The following RALGAPA2 variants were observed in gnomAD, a reference collection of about 807,000 sequenced individuals.
RALGAPA2 encodes the protein ral GTPase-activating protein subunit alpha-2.
In RALGAPA2, 139 loss-of-function variants were observed where a neutral mutation model predicts 230.4. That is an observed-to-expected ratio of 0.60 (90% CI 0.53 to 0.69). The LOEUF is 0.69. Among genes scored for constraint, RALGAPA2 ranks in the 30% least tolerant of loss-of-function variants. The pLI, the probability that RALGAPA2 is intolerant of heterozygous loss-of-function variation, is 0.00. For synonymous variants in RALGAPA2, 847 were observed against 837.8 expected (o/e 1.01, Z -0.19); for missense variants, 2,163 against 2,276.0 (o/e 0.95, Z 1.01).
chr20:20,616,702 G>A (rs1456439105), intron 12 of RALGAPA2, among the ~76,000 whole-genome samples: 1 of 152,180 alleles, frequency 6.6e-6, no homozygotes, highest in Non-Finnish European at 1.5e-5. Flanking sequence ...ACAGGGGTCA[G>A]AACCTCAAGG....
Position 20,666,887 on chromosome 20 carries a change from C to G in RALGAPA2, c.270+9349G>C, listed in dbSNP as rs542434750. 3.4e-5 allele frequency among the ~76,000 whole-genome samples: 5 copies of G among 147,748 alleles called. No individual in the cohort carries two copies. The South Asian group carries it at 1.1e-3, about 31-fold the overall frequency. On this transcript the variant is annotated intron_variant, in intron 3 of 39. Coordinates refer to ENST00000202677, the MANE Select transcript of RALGAPA2 (RefSeq NM_020343.4). ...AGAGTTACAAAAGATATGCAATTCT[C>G]ACAAAAGAAGAGGAGGAGGCAGGGG...
At position 20,513,333 on chromosome 20, in the gene RALGAPA2, T is replaced by A; in HGVS notation, c.4085-49A>T. ...TAAAGAGTCAGTGGTGAATGAAGAT[T>A]AAAACTCAACACCTTTTTTTTGGGT... On this transcript the variant is annotated intron_variant, in intron 31 of 39. Coordinates refer to ENST00000202677, the MANE Select transcript of RALGAPA2 (RefSeq NM_020343.4). 7 of 1,277,864 alleles carry A rather than the reference T, an allele frequency of 5.5e-6. No homozygotes were observed. In the South Asian group the frequency reaches 8.9e-5, roughly 16 times the overall value. The allele number at this position is 1,277,864 out of a possible 1,614,324, so 79.2% of individuals were successfully genotyped here.
At chr20:20,666,879 G>A (rs978585598) in intron 3 of RALGAPA2, among the ~76,000 whole-genome samples, 1 of 151,708 alleles carries the variant, frequency 6.6e-6, no homozygotes, top group Admixed American at 6.6e-5. Context: ...CAAAAGATAT[G>A]CAATTCTCAC....
intron 1 of RALGAPA2, among the ~76,000 whole-genome samples, chr20:20,688,638 T>G (rs1168206830): frequency 6.6e-6 from 1 of 152,168 alleles, no homozygotes; most frequent in Admixed American, 6.5e-5. Context: ...CCCCTCCTAC[T>G]TCTATACCTC....
At chr20:20,406,876 C>T (rs2059957496) in intron 38 of RALGAPA2, among the ~76,000 whole-genome samples, 1 of 152,196 alleles carries the variant, frequency 6.6e-6, no homozygotes, top group Admixed American at 6.5e-5. Flanking sequence ...CACACCAATG[C>T]AATCCAGGCC....
At chr20:20,475,870 C>A (rs894216589) in intron 36 of RALGAPA2, among the ~76,000 whole-genome samples, 4 of 152,120 alleles carry the variant, frequency 2.6e-5, no homozygotes, top group Non-Finnish European at 5.9e-5. Context: ...AAGAATTTAA[C>A]TAGAATTAGT....
chr20:20,452,810 C>A (rs1388454799), intron 37 of RALGAPA2, among the ~76,000 whole-genome samples: 5 of 152,204 alleles, frequency 3.3e-5, no homozygotes, highest in African/African-American at 7.2e-5. Context: ...TAAATCCGAC[C>A]AACAGATCCA....
chr20:20,499,305 A>G (rs1003051125), intron 35 of RALGAPA2, among the ~76,000 whole-genome samples: 1 of 152,208 alleles, frequency 6.6e-6, no homozygotes, highest in Non-Finnish European at 1.5e-5. Context: ...CATTTTATCA[A>G]GAAAACATGT....
At chr20:20,600,926 C>T (rs1271475687) in intron 16 of RALGAPA2, among the ~76,000 whole-genome samples, 1 of 152,094 alleles carries the variant, frequency 6.6e-6, no homozygotes, top group African/African-American at 2.4e-5. Context: ...ATGGTGAAAC[C>T]CTGTTTCTAC....
intron 17 of RALGAPA2, among the ~76,000 whole-genome samples, chr20:20,589,705 G>C (rs2065231352): frequency 6.6e-6 from 1 of 152,098 alleles, no homozygotes; most frequent in Non-Finnish European, 1.5e-5. Context: ...GTGTTGGCCA[G>C]ATGAACCAAC....
chr20:20,414,282 C>T (rs546575383), intron 37 of RALGAPA2, among the ~76,000 whole-genome samples: 7 of 152,328 alleles, frequency 4.6e-5, no homozygotes, highest in East Asian at 1.9e-4. Flanking sequence ...AGAGCAAGCA[C>T]GTCCCTCTAA....
rs375458490 is a variant in RALGAPA2, at chr20:20,573,031, G to A, written c.2745C>T (p.Ile915=). The change falls in exon 21 of 40, where the codon ATC becomes ATT. Residue 915 remains isoleucine (I), a synonymous_variant. Coordinates refer to ENST00000202677, the MANE Select transcript of RALGAPA2 (RefSeq NM_020343.4). ...SECLTDDCSI[I]AGGSLTGWHP... ...GCCAACCAGTGAGGCTCCCCCCGGC[G>A]ATTATACTACAGTCATCTGTGAGGC... 7.7e-5 allele frequency: 124 copies of A among 1,610,078 alleles called. No homozygotes were observed. In the African/African-American group the frequency reaches 1.1e-3, roughly 15 times the overall value.
chr20:20,557,709 C>T (rs542232438), intron 23 of RALGAPA2, among the ~76,000 whole-genome samples: 75 of 152,232 alleles, frequency 4.9e-4, no homozygotes, highest in African/African-American at 1.5e-3. Context: ...AAAATAAGTA[C>T]GGAAAACACA....
chr20:20,572,189 TG>T (rs2064665641), intron 21 of RALGAPA2, among the ~76,000 whole-genome samples: 1 of 152,174 alleles, frequency 6.6e-6, no homozygotes, highest in South Asian at 2.1e-4. Context: ...CGTTAATGGC[TG>T]GGGAGGTCCT....
chr20:20,678,177 G>C (rs562789413), intron 2 of RALGAPA2, among the ~76,000 whole-genome samples: 15 of 152,230 alleles, frequency 9.9e-5, no homozygotes, highest in African/African-American at 3.1e-4. Flanking sequence ...AACTGCAAAG[G>C]CTCAAGTTAT....
chr20:20,571,763 C>T lies in RALGAPA2; in HGVS notation c.3000+85G>A, dbSNP rs2064645608. ...AGACCCAGCCTGTCTTCAAAACATG[C>T]AGTCTTGGGCAATTACATTTTTCAA... On this transcript the variant is annotated intron_variant, in intron 22 of 39. Coordinates refer to ENST00000202677, the MANE Select transcript of RALGAPA2 (RefSeq NM_020343.4). 12 of 1,460,694 alleles carry T rather than the reference C, an allele frequency of 8.2e-6. 1 individual carries two copies. The highest frequency in any genetic ancestry group is 1.1e-5 in the Non-Finnish European group (12 of 1,065,006). The allele number at this position is 1,460,694 out of a possible 1,614,324, so 90.5% of individuals were successfully genotyped here.
intron 36 of RALGAPA2, among the ~76,000 whole-genome samples, chr20:20,476,739 A>G (rs1341537937): frequency 4.0e-5 from 6 of 151,344 alleles, no homozygotes; most frequent in Admixed American, 3.9e-4. Context: ...ACATTGGACT[A>G]TATAGAAATT....
chr20:20,506,903 C>T (rs920898864), intron 33 of RALGAPA2, among the ~76,000 whole-genome samples: 4 of 152,072 alleles, frequency 2.6e-5, no homozygotes, highest in African/African-American at 7.2e-5. Flanking sequence ...TTCACTTCCC[C>T]TATGGTTTAT....
rs777875659 is a variant in RALGAPA2 at position 20,640,774 on chromosome 20, G to A, written c.477C>T (p.Phe159=). ...GGCCCCTGGATGACATGACTGCTGG[G>A]AAACCAGGCACCAGGCAAGCAAAAA... ...VLIFACLVPG[F]PAVMSSRGPC... is the part of the protein sequence containing the mutation. Residue 159 remains phenylalanine, a synonymous_variant, in exon 6 of 40, where the codon TTC becomes TTT. Transcript: ENST00000202677. 2 of 1,613,818 alleles carry A rather than the reference G, an allele frequency of 1.2e-6. No individual in the cohort carries two copies. The highest frequency in any genetic ancestry group is 2.7e-5 in the African/African-American group (2 of 74,924).
Sources: allele counts gnomAD v4.1 joint callset (sites outside exome capture counted in the v4.1 genomes callset), GRCh38; gene constraint gnomAD v4.1.1; transcripts MANE v1.5; gene names NCBI Gene and HGNC (gene_info 2026-07-23, HGNC 2026-07-21).